Variants in LRIG3 observed in about 807,000 individuals in gnomAD.
LRIG3 encodes leucine rich repeats and immunoglobulin like domains 3.
Under a neutral mutation model 114.5 loss-of-function variants are expected in LRIG3, and 76 were observed. That is an observed-to-expected ratio of 0.66 (90% CI 0.55 to 0.80). The LOEUF is 0.80. LRIG3 is among the 30% of genes least tolerant of loss of function. LRIG3 has a pLI of 0.00. For synonymous variants in LRIG3, 512 were observed against 519.8 expected, an observed-to-expected ratio of 0.98 and a Z score of 0.20; for missense variants, 1,239 against 1,382.8, an observed-to-expected ratio of 0.90 and a Z score of 1.65.
chr12:58,883,577 T>C lies in LRIG3; in HGVS notation c.1259A>G (p.Asn420Ser), dbSNP rs1871183498. ...ATTGCCTTGTAAAGACATGATTGCG[T>C]TGTCACTCAGGTCTCTGAAAAATCA... is the stretch of plus-strand genomic sequence containing the variant. ...DALEHLDLSD[N>S]AIMSLQGNAF... Residue 420 changes from asparagine (N) to serine (S), a missense_variant, in exon 11 of 19, where the codon AAC becomes AGC. Asn to Ser is a conservative substitution (Grantham distance 46, BLOSUM62 1). Coordinates refer to ENST00000320743, the MANE Select transcript of LRIG3 (RefSeq NM_153377.5). 6.5e-7 allele frequency: 1 copy of C among 1,548,982 alleles called. No homozygotes were observed. Among genetic ancestry groups the C allele is most frequent in the African/African-American group, 1.3e-5 (1 of 74,204 alleles).
chr12:58,909,609 A>G (rs533482813), intron 3 of LRIG3, among the ~76,000 whole-genome samples: 24 of 152,310 alleles, frequency 1.6e-4, no homozygotes, highest in Non-Finnish European at 3.1e-4. Flanking sequence ...ACATTCACTG[A>G]GCACTCAGTA....
At chr12:58,892,474 T>G (rs1871488317) in intron 3 of LRIG3, among the ~76,000 whole-genome samples, 2 of 152,214 alleles carry the variant, frequency 1.3e-5, no homozygotes, top group Admixed American at 6.5e-5. Context: ...TCTTCTGCAT[T>G]ATTGTAACTC....
At chr12:58,882,512 A>G (rs1384678678) in intron 12 of LRIG3, among the ~76,000 whole-genome samples, 3 of 152,198 alleles carry the variant, frequency 2.0e-5, no homozygotes, top group African/African-American at 7.2e-5. Flanking sequence ...AACAAGCCTC[A>G]GAGTTGGGAA....
chr12:58,885,949 T>TG (rs765144407), intron 9 of LRIG3, 47 bp from the exon 10 acceptor site: 1 of 1,332,584 alleles, frequency 7.5e-7, no homozygotes, highest in African/African-American at 1.5e-5. Context: ...AAAGCCATTT[T>TG]GGGGTGGAAC....
rs188329615 is a variant in LRIG3 at position 58,873,367 on chromosome 12, G to A, written c.3116-551C>T. Among the ~76,000 whole-genome samples the A allele has an allele frequency of 2.5e-4, 38 of 152,122 alleles. 2 individuals are homozygous for A. The highest frequency in any genetic ancestry group is 1.3e-4 in the Non-Finnish European group (9 of 67,994). Reference sequence around the variant, plus strand: ...ACACTGTGATAAAACATAACATTTCGTAGAAGTTGGGTAAAATATTTGAAA... The same window carrying A: ...ACACTGTGATAAAACATAACATTTCATAGAAGTTGGGTAAAATATTTGAAA... On this transcript the variant is annotated intron_variant, in intron 18 of 18. Coordinates refer to ENST00000320743, the MANE Select transcript of LRIG3 (RefSeq NM_153377.5).
At position 58,896,081 on chromosome 12, in the gene LRIG3, C is replaced by CCAGAACAG. The variant is rs574465074; in HGVS notation, c.384-5293_384-5286dup. The stretch of plus-strand genomic sequence containing the variant: ...GTGCTCAGGTGTGAGATGCTACTGC[C>CCAGAACAG]CAGAACAGCCCAATACTGGCATTTT... On this transcript the variant is annotated intron_variant, in intron 3 of 18. Coordinates refer to ENST00000320743, the MANE Select transcript of LRIG3 (RefSeq NM_153377.5). Among the ~76,000 whole-genome samples the CCAGAACAG allele has an allele frequency of 1.8e-4, 28 of 152,228 alleles. No homozygotes were observed. In the East Asian group the frequency reaches 5.4e-3, roughly 29 times the overall value.
rs1871893473 is a variant in LRIG3, at chr12:58,902,487, T to C, written c.383+11495A>G. ...GCTCTATCTGCTCAATAAAGCTATA[T>C]GAGAGACAGGGAGATGGCAGGCAGG... On this transcript the variant is annotated intron_variant, in intron 3 of 18. Transcript: ENST00000320743. Among the ~76,000 whole-genome samples, 3 of 152,178 alleles carry C rather than the reference T, an allele frequency of 2.0e-5. No homozygotes were observed. The South Asian group carries it at 6.2e-4, about 31-fold the overall frequency.
Position 58,872,585 on chromosome 12 carries a change from T to C in LRIG3, c.3347A>G (p.Asp1116Gly). Residue 1116 changes from aspartate (D) to glycine (G), a missense_variant, in exon 19 of 19, where the codon GAC becomes GGC. Physicochemically the swap from Asp to Gly is moderately conservative, Grantham distance 94. Coordinates refer to ENST00000320743, the MANE Select transcript of LRIG3 (RefSeq NM_153377.5). ...GTCTCATTCAGTCTATGTGTCCAAG[T>C]CATAAGACTGAAAATTTGGAGTCCT... The part of the protein sequence containing the change: ...NYRTPNFQSY[D>G]LDT 2 of 1,613,474 alleles carry C rather than the reference T, an allele frequency of 1.2e-6. No homozygotes were observed. The highest frequency in any genetic ancestry group is 1.7e-6 in the Non-Finnish European group (2 of 1,179,710).
At chr12:58,878,689 A>T in intron 14 of LRIG3, 135 bp downstream of exon 14, 1 of 1,059,374 alleles carries the variant, frequency 9.4e-7, no homozygotes, top group Non-Finnish European at 1.4e-6. Context: ...CATTTGCATT[A>T]ATACTTTCTA....
At chr12:58,911,541 AAAC>A (rs774906630) in intron 3 of LRIG3, among the ~76,000 whole-genome samples, 7 of 152,232 alleles carry the variant, frequency 4.6e-5, no homozygotes, top group South Asian at 2.1e-4. Flanking sequence ...TACAAACAAA[AAAC>A]AACCACAAAA....
rs746410191 is a variant in LRIG3, at chr12:58,908,193, A to G, written c.383+5789T>C. On this transcript the variant is annotated intron_variant, in intron 3 of 18. Coordinates refer to ENST00000320743, the MANE Select transcript of LRIG3 (RefSeq NM_153377.5). ...GTTCCAAGCCAGCAGATGGCGGAAA[A>G]CCATGTATCATCAACACACCCTTGA... 1.6e-4 allele frequency among the ~76,000 whole-genome samples: 24 copies of G among 152,176 alleles called. 1 individual carries two copies. Among genetic ancestry groups the G allele is most frequent in the Admixed American group, 6.5e-5 (1 of 15,284 alleles).
chr12:58,887,796 T>C lies in LRIG3; in HGVS notation c.1084A>G (p.Lys362Glu), dbSNP rs749127224. 2 of 1,613,514 alleles carry C rather than the reference T, an allele frequency of 1.2e-6. No homozygotes were observed. Among genetic ancestry groups the C allele is most frequent in the Non-Finnish European group, 1.7e-6 (2 of 1,179,646 alleles). Reference sequence around the variant, plus strand: ...GCAAAACGTGTAACTTACAAAGTCTTTAAACTGGAAAGCCCCCGGAAGGCA... The same window carrying C: ...GCAAAACGTGTAACTTACAAAGTCTCTAAACTGGAAAGCCCCCGGAAGGCA... ...DCAFRGLSSL[K>E]TLDLKNNEIS... The change falls in exon 8 of 19, where the codon AAG (lysine) becomes GAG (glutamate). Residue 362 changes from lysine (K) to glutamate (E), a missense_variant. Coordinates refer to ENST00000320743, the MANE Select transcript of LRIG3 (RefSeq NM_153377.5).
Position 58,878,891 on chromosome 12 carries a change from C to T in LRIG3, c.2016G>A (p.Gly672=). Residue 672 remains glycine, a synonymous_variant, in exon 14 of 19, where the codon GGG becomes GGA. Coordinates refer to ENST00000320743, the MANE Select transcript of LRIG3 (RefSeq NM_153377.5). ...FIVDVKIEDI[G]VYSCTAQNSA... ...TGTTCTGAGCTGTGCAGCTGTATAC[C>T]CCAATGTCCTCTATCTTCACATCCA... 6.2e-7 allele frequency: 1 copy of T among 1,614,138 alleles called. No homozygotes were observed. The highest frequency in any genetic ancestry group is 8.5e-7 in the Non-Finnish European group (1 of 1,180,032).
Position 58,920,238 on chromosome 12 carries a change from C to G in LRIG3, c.-3G>C, listed in dbSNP as rs1426504778. 4 of 1,375,820 alleles carry G rather than the reference C, an allele frequency of 2.9e-6. No individual in the cohort carries two copies. In the East Asian group the frequency reaches 9.0e-5, roughly 31 times the overall value. 85.2% of individuals were successfully genotyped at this position (1,375,820 alleles called of 1,614,324 possible). On this transcript the variant is annotated 5_prime_UTR_variant, in exon 1 of 19. Transcript: ENST00000320743. ...GCACGGAGGCTCGGCGCGCTCATCG[C>G]GGTCCAGCGGCCTAGGTCTCTACCC...
Position 58,890,130 on chromosome 12 carries a change from G to C in LRIG3, c.525C>G (p.Asn175Lys). 2.5e-6 allele frequency: 4 copies of C among 1,613,142 alleles called. No individual in the cohort carries two copies. The highest frequency in any genetic ancestry group is 3.4e-6 in the Non-Finnish European group (4 of 1,179,388). ...PALQLKYLYLNSNRVTSMEPG... is the reference protein window; with the variant it reads ...PALQLKYLYLKSNRVTSMEPG... ...GTTCCATTGATGTGACTCGGTTGCT[G>C]TTGAGATACCTGTTGAAAGTTTAAA... Residue 175 changes from asparagine (N) to lysine (K), a missense_variant, in exon 5 of 19, where the codon AAC becomes AAG. By Grantham distance (94) the Asn-to-Lys change is moderately conservative (BLOSUM62 0). Coordinates refer to ENST00000320743, the MANE Select transcript of LRIG3 (RefSeq NM_153377.5).
chr12:58,880,295 G>A (rs1428060576), intron 13 of LRIG3: 19 of 450,892 alleles, frequency 4.2e-5, no homozygotes, highest in Admixed American at 1.0e-4. Context: ...GCAAGATTCC[G>A]TCTCAAAAAA....
chr12:58,913,710 C>T (rs981582291), intron 3 of LRIG3: 3 of 354,492 alleles, frequency 8.5e-6, no homozygotes, highest in Admixed American at 8.8e-5. Context: ...ATACACATTT[C>T]TATGGTGTAA....
chr12:58,916,299 T>C (rs955263288), intron 1 of LRIG3, among the ~76,000 whole-genome samples: 1 of 152,132 alleles, frequency 6.6e-6, no homozygotes, highest in Non-Finnish European at 1.5e-5. Flanking sequence ...CTTTGAATAT[T>C]TCAGTTATTG....
At chr12:58,910,035 C>T (rs952021024) in intron 3 of LRIG3, among the ~76,000 whole-genome samples, 1 of 152,096 alleles carries the variant, frequency 6.6e-6, no homozygotes, top group African/African-American at 2.4e-5. Context: ...GTCCTACCAG[C>T]AAAGGTAATC....
Sources: gnomAD v4.1 joint callset for allele counts (sites outside exome capture counted in the v4.1 genomes callset) on GRCh38, gnomAD v4.1.1 for gene constraint, MANE v1.5 for transcripts, NCBI Gene and HGNC (gene_info 2026-07-23, HGNC 2026-07-21) for gene names.